The following CRACR2A variants were observed in gnomAD, a reference collection of about 807,000 sequenced individuals.
CRACR2A encodes EF-hand calcium-binding domain-containing protein 4B.
In CRACR2A, 79 loss-of-function variants were observed where a neutral mutation model predicts 90.5. The observed-to-expected ratio is 0.87, with a 90% CI of 0.73 to 1.05. CRACR2A has a LOEUF of 1.05. CRACR2A is among the 50% of genes least tolerant of loss of function. The probability of loss-of-function intolerance (pLI) is 0.00; values close to 1 mark genes in which losing one functional copy is unlikely to be tolerated. For synonymous variants in CRACR2A, 338 were observed against 356.7 expected (o/e 0.95, Z 0.59); for missense variants, 823 against 897.2 (o/e 0.92, Z 1.06).
Position 3,705,331 on chromosome 12 carries a change from CT to C in CRACR2A, c.-37+7905del, listed in dbSNP as rs1272199581. Among the ~76,000 whole-genome samples, 18 of 152,330 alleles carry C rather than the reference CT, an allele frequency of 1.2e-4. No homozygotes were observed. In the East Asian group the frequency reaches 1.9e-3, roughly 16 times the overall value. ...GATTTCCCAGATATCCAAGGTAATT[CT>C]AGCAGCTTAGTAACTGCTACAATCA... On this transcript the variant is annotated intron_variant, in intron 3 of 19. Transcript: ENST00000440314.
rs1315685221 is a variant in CRACR2A at position 3,633,772 on chromosome 12, A to G, written c.1603-36T>C. 1 of 1,550,744 alleles carries G rather than the reference A, an allele frequency of 6.4e-7. No homozygotes were observed. Among genetic ancestry groups the G allele is most frequent in the Non-Finnish European group, 8.7e-7 (1 of 1,146,790 alleles). ...CACACAATCTGACCAACTGCAGGGA[A>G]TAGTCTTGCCAGCCCCTGCCCCTGC... On this transcript the variant is annotated intron_variant, in intron 14 of 19. Transcript: ENST00000440314. This position sits in a 1 kb window ranked among gnomAD's most constrained non-coding sequence, Gnocchi z 4.5.
chr12:3,631,597 G>C (rs903335443), intron 15 of CRACR2A, among the ~76,000 whole-genome samples: 1 of 152,232 alleles, frequency 6.6e-6, no homozygotes, highest in African/African-American at 2.4e-5. Context: ...AGGCTCTTCT[G>C]AGCTTGGTTT....
chr12:3,726,478 A>T (rs1271764880), intron 2 of CRACR2A: 1 of 152,232 alleles, frequency 6.6e-6, no homozygotes, highest in East Asian at 1.9e-4. Flanking sequence ...AAGCCACTTC[A>T]TATAAGAAGT....
chr12:3,710,222 T>C (rs544784839), intron 3 of CRACR2A, among the ~76,000 whole-genome samples: 5 of 152,214 alleles, frequency 3.3e-5, no homozygotes, highest in Non-Finnish European at 5.9e-5. Context: ...TTCTCTCAGC[T>C]TTTTTGTGCC....
At chr12:3,656,228 G>A in intron 9 of CRACR2A, 83 bp downstream of exon 9, 1 of 1,356,790 alleles carries the variant, frequency 7.4e-7, no homozygotes, top group Non-Finnish European at 1.1e-6. Context: ...GTCCTTAAGT[G>A]AATGGCAGGG....
rs1268919675 is a variant in CRACR2A, at chr12:3,660,878, ACACACACAC to A, written c.672-1233_672-1225del. On this transcript the variant is annotated intron_variant, in intron 7 of 19. Coordinates refer to ENST00000440314, the MANE Select transcript of CRACR2A (RefSeq NM_001144958.2). ...CACACACACACACACACACACACAC[ACACACACAC>A]AATTTTGGCCCCTGCCATTCTAACT... 1.9e-3 allele frequency among the ~76,000 whole-genome samples: 217 copies of A among 112,882 alleles called. 3 individuals carry two copies. In the East Asian group the frequency reaches 0.026, roughly 13 times the overall value. The allele number at this position is 112,882 out of a possible 152,430, so 74.1% of individuals were successfully genotyped here. A position where few individuals can be genotyped will look rare whatever the true frequency, so the allele number is the denominator to read the frequency against.
At chr12:3,641,518 T>C (rs949593895) in intron 13 of CRACR2A, among the ~76,000 whole-genome samples, 1 of 152,100 alleles carries the variant, frequency 6.6e-6, no homozygotes, top group African/African-American at 2.4e-5. Context: ...CAGAAGACAA[T>C]GGTCTGTCCT....
At chr12:3,649,760 G>C (rs1565473828) in intron 10 of CRACR2A, among the ~76,000 whole-genome samples, 1 of 151,630 alleles carries the variant, frequency 6.6e-6, no homozygotes, top group Non-Finnish European at 1.5e-5. Context: ...ATAGTTGTAG[G>C]AAGAAAGAAA....
Position 3,713,288 on chromosome 12 carries a change from T to C in CRACR2A, c.-88A>G, listed in dbSNP as rs950988822. ...CCTGCAACTCTTCACACCTGGAGGG[T>C]ACTTTGGCCACTGGTGACTTGAATT... On this transcript the variant is annotated 5_prime_UTR_variant, in exon 3 of 20. Transcript: ENST00000440314. 5.1e-5 allele frequency: 50 copies of C among 985,050 alleles called. No individual in the cohort carries two copies. Among genetic ancestry groups the C allele is most frequent in the South Asian group, 1.9e-4 (4 of 21,280 alleles). The allele number at this position is 985,050 out of a possible 1,614,324, so 61.0% of individuals were successfully genotyped here.
intron 1 of CRACR2A, among the ~76,000 whole-genome samples, chr12:3,743,560 G>T (rs1161985096): frequency 1.3e-5 from 2 of 152,214 alleles, no homozygotes; most frequent in South Asian, 4.1e-4. Flanking sequence ...CACGGTGCAG[G>T]TGTCTATACC....
intron 4 of CRACR2A, among the ~76,000 whole-genome samples, chr12:3,689,333 C>T: frequency 6.6e-6 from 1 of 152,146 alleles, no homozygotes; most frequent in East Asian, 1.9e-4. Context: ...GTTGGTTTGC[C>T]ATAGATGGCT....
chr12:3,723,747 A>G (rs1644447934), intron 2 of CRACR2A, among the ~76,000 whole-genome samples: 1 of 152,100 alleles, frequency 6.6e-6, no homozygotes, highest in South Asian at 2.1e-4. Context: ...GACCTCCACC[A>G]GGGCCTCTTA....
rs10491974 is a variant in CRACR2A at position 3,733,023 on chromosome 12, C to T, written c.-199G>A. The T allele has an allele frequency of 0.14, 21,588 of 152,304 alleles. 1,667 individuals are homozygous for T. The highest frequency in any genetic ancestry group is 0.17 in the Middle Eastern group (50 of 294). The allele number at this position is 152,304 out of a possible 1,614,324, so 9.4% of individuals were successfully genotyped here. ...GTGTTGAATTCTCCTGGCACTCCTGCTGAATCCCAGCGCTCTGGATCCGGC... is the reference window on the plus strand; with the variant it reads ...GTGTTGAATTCTCCTGGCACTCCTGTTGAATCCCAGCGCTCTGGATCCGGC... On this transcript the variant is annotated 5_prime_UTR_variant, in exon 2 of 20. Coordinates refer to ENST00000440314, the MANE Select transcript of CRACR2A (RefSeq NM_001144958.2).
chr12:3,639,501 A>G (rs1309674962), intron 13 of CRACR2A, among the ~76,000 whole-genome samples: 3 of 41,704 alleles, frequency 7.2e-5, no homozygotes, highest in Non-Finnish European at 1.6e-4. Flanking sequence ...CACACAGACT[A>G]GAAAAGAAAA....
At position 3,648,608 on chromosome 12, in the gene CRACR2A, A is replaced by T. The variant is rs755180141; in HGVS notation, c.1052T>A (p.Val351Glu). 5 of 1,613,638 alleles carry T rather than the reference A, an allele frequency of 3.1e-6. No individual in the cohort carries two copies. Among genetic ancestry groups the T allele is most frequent in the Non-Finnish European group, 4.2e-6 (5 of 1,179,732 alleles). ...CTGTAGACTCTCCGTCACACGGTACACTTCCCTGAGGAGGAGGCAAACACA... is the reference window on the plus strand; with the variant it reads ...CTGTAGACTCTCCGTCACACGGTACTCTTCCCTGAGGAGGAGGCAAACACA... ...CKLHQEKEME[V>E]YRVTESLQRE... The change falls in exon 11 of 20, where the codon GTG becomes GAG. Residue 351 changes from valine to glutamate, a missense_variant. Val to Glu is a moderately radical substitution (Grantham distance 121). Coordinates refer to ENST00000440314, the MANE Select transcript of CRACR2A (RefSeq NM_001144958.2).
chr12:3,652,595 T>C (rs1422865954), intron 10 of CRACR2A, among the ~76,000 whole-genome samples: 1 of 152,202 alleles, frequency 6.6e-6, no homozygotes, highest in Non-Finnish European at 1.5e-5. Flanking sequence ...AGAGCAGTTT[T>C]ATTTAGGCCT....
At chr12:3,706,967 A>G (rs764871920) in intron 3 of CRACR2A, among the ~76,000 whole-genome samples, 6 of 152,352 alleles carry the variant, frequency 3.9e-5, no homozygotes, top group Non-Finnish European at 8.8e-5. Flanking sequence ...ATATTATAAT[A>G]AAATGAACTA....
At chr12:3,627,159 A>C (rs779399378) in intron 17 of CRACR2A, among the ~76,000 whole-genome samples, 84 of 152,176 alleles carry the variant, frequency 5.5e-4, no homozygotes, top group Non-Finnish European at 1.1e-3. Flanking sequence ...ATGGCCCAGC[A>C]ATGACACAGC....
chr12:3,678,394 C>T (rs937377950), intron 6 of CRACR2A, among the ~76,000 whole-genome samples: 2 of 152,122 alleles, frequency 1.3e-5, no homozygotes, highest in African/African-American at 2.4e-5. Context: ...CCTGGTTTGC[C>T]GAGGATACCG....
Sources: allele counts gnomAD v4.1 joint callset (sites outside exome capture counted in the v4.1 genomes callset), GRCh38; gene constraint gnomAD v4.1.1; non-coding constraint Gnocchi (gnomAD v3.1); transcripts MANE v1.5; gene names NCBI Gene and HGNC (gene_info 2026-07-23, HGNC 2026-07-21).